Variants in TTC6 observed in about 807,000 individuals in gnomAD.
TTC6 encodes tetratricopeptide repeat protein 6.
TTC6 carries 172 observed loss-of-function variants against 210.4 expected under a neutral mutation model. The ratio of observed to expected loss-of-function variants is 0.82; its 90% CI spans 0.72 to 0.93. The LOEUF (loss-of-function observed/expected upper bound fraction) is 0.93. Among genes scored for constraint, TTC6 ranks in the 40% least tolerant of loss-of-function variants. TTC6 has a pLI of 0.00. For synonymous variants in TTC6, 804 were observed against 819.6 expected (o/e 0.98, Z 0.32); for missense variants, 2,414 against 2,318.1 (o/e 1.04, Z -0.85).
At chr14:37,670,119 T>C (rs1044584433) in intron 1 of TTC6, among the ~76,000 whole-genome samples, 3 of 152,186 alleles carry the variant, frequency 2.0e-5, no homozygotes, top group African/African-American at 4.8e-5. Context: ...AGGTTAGATG[T>C]TATTAAATAC....
At chr14:37,785,305 G>T (rs1022186987) in intron 14 of TTC6, among the ~76,000 whole-genome samples, 5 of 152,126 alleles carry the variant, frequency 3.3e-5, no homozygotes, top group African/African-American at 4.8e-5. Flanking sequence ...ATATTTCTTG[G>T]AGGCTTTGTT....
intron 14 of TTC6, among the ~76,000 whole-genome samples, chr14:37,759,308 T>A (rs530096967): frequency 1.4e-4 from 22 of 152,212 alleles, no homozygotes; most frequent in Admixed American, 2.6e-4. Flanking sequence ...TTCTTTTCTT[T>A]AAGAATGTTG....
intron 8 of TTC6, among the ~76,000 whole-genome samples, chr14:37,736,663 C>T (rs1039249408): frequency 6.6e-6 from 1 of 152,096 alleles, no homozygotes; most frequent in Non-Finnish European, 1.5e-5. Flanking sequence ...ATAATCATGA[C>T]TTTTGGTATA....
Position 37,817,600 on chromosome 14 carries a change from T to TAAGCCGGACTAAC in TTC6, c.4713_4725dup (p.Gly1576LysfsTer4), listed in dbSNP as rs1316625890. The stretch of plus-strand genomic sequence containing the variant: ...CAGGATTTTAAACAAGCTGCACTGA[T>TAAGCCGGACTAAC]AAGCCGGACTAACGGGAGCCTTTGT... On this transcript the variant is annotated frameshift_variant, in exon 26 of 31. Coordinates refer to ENST00000553443, the Ensembl canonical transcript of TTC6. LOFTEE classifies it high-confidence loss of function. 6.2e-7 allele frequency: 1 copy of TAAGCCGGACTAAC among 1,613,924 alleles called. No homozygotes were observed. Among genetic ancestry groups the TAAGCCGGACTAAC allele is most frequent in the Non-Finnish European group, 8.5e-7 (1 of 1,179,928 alleles).
At chr14:37,680,285 C>A (rs956613355) in intron 2 of TTC6, 24 bp downstream of exon 4, 19 of 1,408,520 alleles carry the variant, frequency 1.3e-5, no homozygotes, top group East Asian at 1.0e-4. Context: ...TAAAAATCCT[C>A]CTTGCCTCTG....
intron 14 of TTC6, among the ~76,000 whole-genome samples, chr14:37,773,618 G>T (rs550254003): frequency 6.6e-6 from 1 of 152,172 alleles, no homozygotes; most frequent in South Asian, 2.1e-4. Flanking sequence ...TTGTTTATGT[G>T]TCTGTTTTTG....
exon 21 of TTC6, chr14:37,804,755 T>A: frequency 1.9e-6 from 3 of 1,614,202 alleles, no homozygotes; most frequent in Non-Finnish European, 2.5e-6. Context: ...CACAGCAATT[T>A]CAGCAGACTG....
intron 14 of TTC6, among the ~76,000 whole-genome samples, chr14:37,785,180 T>C (rs985104288): frequency 4.6e-5 from 7 of 152,204 alleles, no homozygotes; most frequent in African/African-American, 1.7e-4. Context: ...CCTTGCTAGG[T>C]TGGGGAAGTT....
At chr14:37,837,117 T>G (rs1350108754) in intron 29 of TTC6, among the ~76,000 whole-genome samples, 1 of 152,216 alleles carries the variant, frequency 6.6e-6, no homozygotes, top group Admixed American at 6.5e-5. Flanking sequence ...ATACTTCAAG[T>G]AACCTCATTA....
At chr14:37,612,766 T>A (rs1188329731) in intron 2 of TTC6, among the ~76,000 whole-genome samples, 1 of 152,194 alleles carries the variant, frequency 6.6e-6, no homozygotes, top group Non-Finnish European at 1.5e-5. Context: ...AGTGGAATTT[T>A]AAAAATATTT....
At chr14:37,622,980 C>A in exon 1 of TTC6, 1 of 1,489,040 alleles carries the variant, frequency 6.7e-7, no homozygotes, top group Non-Finnish European at 8.9e-7. Flanking sequence ...CGTCCTTGGC[C>A]AGAACTACGA....
At chr14:37,600,193 C>A (rs981871582) in intron 1 of TTC6, among the ~76,000 whole-genome samples, 2 of 152,176 alleles carry the variant, frequency 1.3e-5, no homozygotes, top group African/African-American at 4.8e-5. Context: ...GGTCCTACTG[C>A]GTGCCACAGA....
chr14:37,733,453 A>G (rs1481843552), intron 7 of TTC6, among the ~76,000 whole-genome samples: 1 of 152,158 alleles, frequency 6.6e-6, no homozygotes, highest in Admixed American at 6.5e-5. Flanking sequence ...CTTAGTTTCA[A>G]AATGTCTTCA....
At chr14:37,785,309 C>G (rs967018730) in intron 14 of TTC6, among the ~76,000 whole-genome samples, 1 of 152,142 alleles carries the variant, frequency 6.6e-6, no homozygotes, top group East Asian at 1.9e-4. Context: ...TTCTTGGAGG[C>G]TTTGTTTATT....
intron 6 of TTC6, among the ~76,000 whole-genome samples, chr14:37,721,444 C>G (rs1438084573): frequency 6.6e-6 from 1 of 152,242 alleles, no homozygotes; most frequent in South Asian, 2.1e-4. Flanking sequence ...GTAAGGGACA[C>G]ATGTTTTCCA....
chr14:37,778,513 A>G (rs1218628883), intron 14 of TTC6, among the ~76,000 whole-genome samples: 3 of 152,248 alleles, frequency 2.0e-5, no homozygotes, highest in South Asian at 2.1e-4. Flanking sequence ...TGCACATGCA[A>G]TTGCGCATCA....
At chr14:37,721,912 A>G (rs868846822) in intron 6 of TTC6, among the ~76,000 whole-genome samples, 85 of 145,028 alleles carry the variant, frequency 5.9e-4, no homozygotes, top group African/African-American at 2.0e-3. Flanking sequence ...ACACATGTAT[A>G]TATGTATATA....
chr14:37,672,577 G>A (rs117129209), intron 1 of TTC6, among the ~76,000 whole-genome samples: 1,591 of 152,250 alleles, frequency 0.01, 13 homozygotes, highest in Middle Eastern at 0.024. Context: ...AATTCAAAGG[G>A]ATGTCATACT....
At chr14:37,596,557 C>T (rs991101579) in intron 1 of TTC6, among the ~76,000 whole-genome samples, 4 of 152,160 alleles carry the variant, frequency 2.6e-5, no homozygotes, top group Non-Finnish European at 4.4e-5. Context: ...CTGAAGTGAC[C>T]GGGTGATAGG....
Sources: gnomAD v4.1 joint callset for allele counts (sites outside exome capture counted in the v4.1 genomes callset) on GRCh38, gnomAD v4.1.1 for gene constraint, MANE v1.5 for transcripts, NCBI Gene and HGNC (gene_info 2026-07-23, HGNC 2026-07-21) for gene names.